Variants in SASH1 observed in about 807,000 individuals in gnomAD.
The protein encoded by SASH1 is SAM and SH3 domain-containing protein 1.
In SASH1, 44 loss-of-function variants were observed where a neutral mutation model predicts 125.2. The ratio of observed to expected loss-of-function variants is 0.35; its 90% CI spans 0.28 to 0.45. SASH1 has a LOEUF of 0.45. SASH1 is among the 20% of genes least tolerant of loss of function. SASH1 has a pLI of 1.00. For synonymous variants in SASH1, 639 were observed against 649.1 expected, an observed-to-expected ratio of 0.98 and a Z score of 0.24; for missense variants, 1,426 against 1,614.5, an observed-to-expected ratio of 0.88 and a Z score of 2.00.
At chr6:148,213,104 G>A in the SASH1 span, among the ~76,000 whole-genome samples, 1 of 152,196 alleles carries the variant, frequency 6.6e-6, no homozygotes, top group Non-Finnish European at 1.5e-5. Context: ...AGAGCCTTCT[G>A]TCAGCATGAA....
rs1220556368 is a variant in SASH1 at position 148,326,355 on chromosome 6, T to C, written n.74+53978T>C. ...ATATATATATATATATATATATATA[T>C]ATGCATATATATATATATACATTCT... On this transcript the variant is annotated intron_variant and non_coding_transcript_variant, in intron 1 of 3. Transcript: ENST00000367469. Among the ~76,000 whole-genome samples the C allele has an allele frequency of 2.3e-3, 190 of 82,444 alleles. 7 individuals are homozygous for C. Among genetic ancestry groups the C allele is most frequent in the African/African-American group, 7.8e-3 (183 of 23,556 alleles). 54.1% of individuals were successfully genotyped at this position (82,444 alleles called of 152,430 possible).
the SASH1 span, among the ~76,000 whole-genome samples, chr6:148,199,285 A>T: frequency 6.6e-6 from 1 of 152,032 alleles, no homozygotes; most frequent in Non-Finnish European, 1.5e-5. Flanking sequence ...GAGCAGGAGA[A>T]TCACTTGAAC....
intron 5 of SASH1, among the ~76,000 whole-genome samples, chr6:148,470,452 G>T (rs1778046882): frequency 6.6e-6 from 1 of 152,218 alleles, no homozygotes; most frequent in Non-Finnish European, 1.5e-5. Context: ...TGGTGACAGA[G>T]CTGCTATTTT....
chr6:148,329,114 C>A (rs987410687), intron 1 of SASH1, among the ~76,000 whole-genome samples: 11 of 152,336 alleles, frequency 7.2e-5, no homozygotes, highest in African/African-American at 2.4e-4. Flanking sequence ...CAAATGACCT[C>A]ATTTCTAGAA....
chr6:148,391,719 A>C (rs919433091), intron 2 of SASH1, among the ~76,000 whole-genome samples: 1 of 152,250 alleles, frequency 6.6e-6, no homozygotes, highest in Non-Finnish European at 1.5e-5. Context: ...CTAGTAGTTC[A>C]AAATTGTATA....
At chr6:148,239,012 G>A in the SASH1 span, among the ~76,000 whole-genome samples, 2 of 152,140 alleles carry the variant, frequency 1.3e-5, no homozygotes. Context: ...GCAAAGTACC[G>A]AGTATTCACT....
chr6:148,253,333 T>G, the SASH1 span, among the ~76,000 whole-genome samples: 1 of 152,154 alleles, frequency 6.6e-6, no homozygotes, highest in Non-Finnish European at 1.5e-5. Context: ...ATGAGTAGTC[T>G]TTTCAACAAA....
At chr6:148,390,044 A>G in intron 1 of SASH1, 90 bp from the exon 2 acceptor site, 8 of 1,421,278 alleles carry the variant, frequency 5.6e-6, no homozygotes, top group Non-Finnish European at 7.7e-6. Flanking sequence ...AACCTTTATT[A>G]CTATTAACTC....
At chr6:148,347,701 A>T (rs1781566403) in intron 1 of SASH1, among the ~76,000 whole-genome samples, 1 of 152,198 alleles carries the variant, frequency 6.6e-6, no homozygotes, top group Admixed American at 6.5e-5. Context: ...ACGTCTTGGA[A>T]TTTGAGAGTC....
intron 8 of SASH1, among the ~76,000 whole-genome samples, chr6:148,501,005 T>C (rs1779537160): frequency 1.3e-5 from 2 of 152,192 alleles, no homozygotes; most frequent in African/African-American, 4.8e-5. Context: ...AATTTGCTTA[T>C]TTATTCTGCA....
the SASH1 span, among the ~76,000 whole-genome samples, chr6:148,203,635 G>A: frequency 6.6e-6 from 1 of 152,204 alleles, no homozygotes; most frequent in Non-Finnish European, 1.5e-5. Context: ...GAAAATATGT[G>A]TGAGTCCTTT....
chr6:148,516,801 C>T (rs951035568), intron 9 of SASH1, among the ~76,000 whole-genome samples: 3 of 152,106 alleles, frequency 2.0e-5, no homozygotes, highest in Non-Finnish European at 4.4e-5. Flanking sequence ...GCACGATGTC[C>T]AGGCAGCCTG....
At chr6:148,253,594 C>T in the SASH1 span, among the ~76,000 whole-genome samples, 16 of 152,230 alleles carry the variant, frequency 1.1e-4, no homozygotes, top group South Asian at 1.5e-3. Context: ...ACCCATTGGC[C>T]GGGTGCGGTG....
At chr6:148,421,504 A>G (rs891849879) in intron 2 of SASH1, among the ~76,000 whole-genome samples, 1 of 152,222 alleles carries the variant, frequency 6.6e-6, no homozygotes, top group South Asian at 2.1e-4. Context: ...TGGTTTGACC[A>G]TGTTGGCCAG....
chr6:148,544,377 G>T lies in SASH1; in HGVS notation c.2907G>T (p.Gly969=). ...ACCATCCCCTGGGCACCAAAGAAGG[G>T]GTAGATGCTGAGCAGAGAATGCAGC... is the stretch of plus-strand genomic sequence containing the variant. ...GTHHPLGTKE[G]VDAEQRMQPK... is the part of the protein sequence containing the mutation. The change falls in exon 18 of 20, where the codon GGG becomes GGT. Residue 969 remains glycine, a synonymous_variant. Transcript: ENST00000367467. The surrounding 1 kb of genome is among the most constrained non-coding windows in gnomAD (Gnocchi z 6.4). 6.2e-7 allele frequency: 1 copy of T among 1,614,142 alleles called. No individual in the cohort carries two copies. Among genetic ancestry groups the T allele is most frequent in the South Asian group, 1.1e-5 (1 of 91,084 alleles).
intron 8 of SASH1, among the ~76,000 whole-genome samples, chr6:148,505,412 C>T (rs1236792314): frequency 6.6e-6 from 1 of 152,210 alleles, no homozygotes; most frequent in Non-Finnish European, 1.5e-5. Flanking sequence ...CTCCCAGGTT[C>T]AAGCGATTCT....
At chr6:148,296,613 C>G (rs1171411967) in intron 1 of SASH1, among the ~76,000 whole-genome samples, 1 of 152,090 alleles carries the variant, frequency 6.6e-6, no homozygotes, top group Non-Finnish European at 1.5e-5. Context: ...AGTGATTGAC[C>G]CAAGGACAGT....
intron 4 of SASH1, among the ~76,000 whole-genome samples, chr6:148,461,241 G>A (rs776498218): frequency 6.6e-6 from 1 of 152,150 alleles, no homozygotes. Context: ...GTGTGTGCTG[G>A]GTCAGGCCAT....
chr6:148,302,251 G>A (rs1025348081), intron 1 of SASH1, among the ~76,000 whole-genome samples: 1 of 143,820 alleles, frequency 7.0e-6, no homozygotes, highest in Non-Finnish European at 1.5e-5. Flanking sequence ...GGTGGAGCTT[G>A]GAGTGAGCCG....
Sources: gnomAD v4.1 joint callset for allele counts (sites outside exome capture counted in the v4.1 genomes callset) on GRCh38, gnomAD v4.1.1 for gene constraint, Gnocchi (gnomAD v3.1) non-coding constraint, MANE v1.5 for transcripts, NCBI Gene and HGNC (gene_info 2026-07-23, HGNC 2026-07-21) for gene names.